The following KLRG1 variants were observed in gnomAD, a reference collection of about 807,000 sequenced individuals.
KLRG1 encodes killer cell lectin like receptor G1.
A neutral mutation model predicts 21.8 loss-of-function variants in KLRG1; 16 were observed. The ratio of observed to expected loss-of-function variants is 0.73; its 90% CI spans 0.50 to 1.11. The LOEUF is 1.11. Ranked by LOEUF, KLRG1 falls within the 50% of genes most tolerant of loss-of-function variation. The probability of loss-of-function intolerance (pLI) is 0.00; values close to 1 mark genes in which losing one functional copy is unlikely to be tolerated. For missense variants in KLRG1, 173 were observed against 218.3 expected (o/e 0.79, Z 1.31); for synonymous variants, 69 against 75.9 (o/e 0.91, Z 0.47).
At chr12:9,023,638 G>A in the KLRG1 span, among the ~76,000 whole-genome samples, 1 of 149,924 alleles carries the variant, frequency 6.7e-6, no homozygotes, top group Admixed American at 6.6e-5. Flanking sequence ...GTTCACTGTA[G>A]TCTTAAACTC....
At chr12:9,114,698 T>C in the KLRG1 span, among the ~76,000 whole-genome samples, 2 of 149,436 alleles carry the variant, frequency 1.3e-5, no homozygotes, top group Admixed American at 1.3e-4. Flanking sequence ...TGTATACTTA[T>C]GTTCACATAT....
chr12:9,155,313 A>C, the KLRG1 span, among the ~76,000 whole-genome samples: 2 of 152,056 alleles, frequency 1.3e-5, no homozygotes, highest in African/African-American at 4.8e-5. Flanking sequence ...TTTCTCTCCA[A>C]CTGAATCAGT....
chr12:9,027,879 CTACCAAAGTTTCCAGAACCAT>C, the KLRG1 span: 7 of 888,934 alleles, frequency 7.9e-6, no homozygotes, highest in Middle Eastern at 3.3e-4. Flanking sequence ...TCCATGACCA[CTACCAAAGTTTCCAGAACCAT>C]TTCGACCTCT....
At chr12:9,091,476 A>G in the KLRG1 span, 1 of 1,592,504 alleles carries the variant, frequency 6.3e-7, no homozygotes, top group African/African-American at 1.3e-5. Flanking sequence ...AGTTAAATAC[A>G]TCCTTTCTAG....
chr12:9,113,411 G>A, the KLRG1 span: 2 of 1,613,698 alleles, frequency 1.2e-6, no homozygotes, highest in Non-Finnish European at 1.7e-6. Context: ...GGTCAGTGAA[G>A]AGGCTCCTGT....
At chr12:9,146,081 G>A in the KLRG1 span, among the ~76,000 whole-genome samples, 1 of 152,002 alleles carries the variant, frequency 6.6e-6, no homozygotes, top group African/African-American at 2.4e-5. Context: ...GGTTGAGAAG[G>A]TTTTAGTCAT....
chr12:8,969,404 G>A (rs767488739), intron 1 of KLRG1, among the ~76,000 whole-genome samples: 14 of 152,242 alleles, frequency 9.2e-5, no homozygotes, highest in African/African-American at 2.6e-4. Flanking sequence ...TGGGAGTTCT[G>A]GGGGAAGAGC....
At chr12:9,093,874 C>T in the KLRG1 span, among the ~76,000 whole-genome samples, 1 of 151,682 alleles carries the variant, frequency 6.6e-6, no homozygotes, top group Non-Finnish European at 1.5e-5. Context: ...ACCTGAGCGA[C>T]AGAGTGAGAC....
intron 1 of KLRG1, among the ~76,000 whole-genome samples, chr12:8,953,679 C>T (rs1048708458): frequency 5.3e-5 from 8 of 152,096 alleles, no homozygotes; most frequent in South Asian, 4.1e-4. Flanking sequence ...GGAAGTGATA[C>T]GTTTTTATAT....
chr12:9,199,429 A>G, the KLRG1 span, among the ~76,000 whole-genome samples: 3 of 152,078 alleles, frequency 2.0e-5, no homozygotes, highest in Non-Finnish European at 4.4e-5. Flanking sequence ...TGGGGGAGAG[A>G]TTATTTCAGG....
chr12:9,015,810 C>T, the KLRG1 span, among the ~76,000 whole-genome samples: 1 of 152,136 alleles, frequency 6.6e-6, no homozygotes, highest in Admixed American at 6.6e-5. Flanking sequence ...TGTCAGTTAT[C>T]TTCTCTGACT....
chr12:9,199,596 G>A, the KLRG1 span, among the ~76,000 whole-genome samples: 1 of 151,962 alleles, frequency 6.6e-6, no homozygotes. Flanking sequence ...AAACAAACAG[G>A]CAGATTCTGC....
the KLRG1 span, among the ~76,000 whole-genome samples, chr12:9,083,876 A>G: frequency 7.2e-5 from 11 of 152,156 alleles, no homozygotes; most frequent in Non-Finnish European, 1.5e-4. Context: ...TCACTAAGAC[A>G]CAATAATTAA....
chr12:9,069,078 C>T, the KLRG1 span: 2 of 361,032 alleles, frequency 5.5e-6, no homozygotes, highest in Non-Finnish European at 9.9e-6. Context: ...TAGCTCTGTT[C>T]ATGGGGGTAA....
At chr12:9,196,573 G>A in the KLRG1 span, 1 of 1,600,050 alleles carries the variant, frequency 6.2e-7, no homozygotes, top group Non-Finnish European at 8.6e-7. Flanking sequence ...ACTCACACCT[G>A]TCCCCTCTTC....
intron 3 of KLRG1, among the ~76,000 whole-genome samples, chr12:9,003,794 C>CA (rs1947378065): frequency 6.6e-6 from 1 of 151,876 alleles, no homozygotes; most frequent in Non-Finnish European, 1.5e-5. Context: ...TGCTGGCGTG[C>CA]TGCACCCATT....
chr12:9,064,210 T>G, the KLRG1 span: 1 of 152,486 alleles, frequency 6.6e-6, no homozygotes, highest in African/African-American at 2.4e-5. This position sits in a 1 kb window ranked among gnomAD's most constrained non-coding sequence, Gnocchi z 4.0. Context: ...TGTCACTAAC[T>G]TAGTAACTTT....
At chr12:8,967,271 C>G (rs1565537777) in intron 1 of KLRG1, among the ~76,000 whole-genome samples, 2 of 151,702 alleles carry the variant, frequency 1.3e-5, no homozygotes, top group Non-Finnish European at 2.9e-5. Flanking sequence ...ACCAACATGG[C>G]ACATGTATAC....
At chr12:9,079,669 T>G in the KLRG1 span, 1 of 1,613,640 alleles carries the variant, frequency 6.2e-7, no homozygotes, top group Non-Finnish European at 8.5e-7. Context: ...GCCTTGGACT[T>G]GATCTCTGGA....
Sources: allele counts gnomAD v4.1 joint callset (sites outside exome capture counted in the v4.1 genomes callset), GRCh38; gene constraint gnomAD v4.1.1; non-coding constraint Gnocchi (gnomAD v3.1); transcripts MANE v1.5; gene names NCBI Gene and HGNC (gene_info 2026-07-23, HGNC 2026-07-21).